PLB1: variants seen among roughly 807,000 people sequenced by gnomAD.
PLB1 encodes the protein phospholipase B1.
In PLB1, 242 loss-of-function variants were observed where a neutral mutation model predicts 227.4. That is an observed-to-expected ratio of 1.06 (90% CI 0.96 to 1.18). The LOEUF (loss-of-function observed/expected upper bound fraction) is 1.18. Ranked by LOEUF, PLB1 falls within the 50% of genes most tolerant of loss-of-function variation. The pLI is 0.00. For missense variants in PLB1, 1,858 were observed against 1,816.3 expected (o/e 1.02, Z -0.42); for synonymous variants, 757 against 682.2 (o/e 1.11, Z -1.71).
intron 20 of PLB1, among the ~76,000 whole-genome samples, chr2:28,569,485 T>C (rs996094159): frequency 6.6e-6 from 1 of 152,068 alleles, no homozygotes; most frequent in Admixed American, 6.6e-5. Context: ...GACAAAACTT[T>C]AGACTGACAA....
intron 20 of PLB1, among the ~76,000 whole-genome samples, chr2:28,570,565 C>T (rs1167828599): frequency 4.6e-5 from 7 of 152,172 alleles, no homozygotes; most frequent in Non-Finnish European, 1.0e-4. Flanking sequence ...GTAGGTGGAT[C>T]GCTTGAAGTC....
chr2:28,526,234 G>C (rs1211459697), intron 6 of PLB1, among the ~76,000 whole-genome samples: 1 of 152,022 alleles, frequency 6.6e-6, no homozygotes, highest in Non-Finnish European at 1.5e-5. Flanking sequence ...AGCTGGAATG[G>C]GTGTCGGGGC....
In PLB1 at chr2:28,602,828, G is replaced by A; in HGVS notation, c.2681G>A (p.Arg894Lys). The A allele has an allele frequency of 6.2e-7, 1 of 1,614,078 alleles. No individual in the cohort carries two copies. The highest frequency in any genetic ancestry group is 1.1e-5 in the South Asian group (1 of 91,088). The stretch of plus-strand genomic sequence containing the variant: ...CTGCAGCTTTTCCCTTAGGTGCCCA[G>A]AGTCCTGGTCAACCTCGTGGACTTC... ...ALDVLHREVPRVLVNLVDFLN... is the reference protein window; with the variant it reads ...ALDVLHREVPKVLVNLVDFLN... Residue 894 changes from arginine to lysine, a missense_variant, in exon 39 of 58, where the codon AGA becomes AAA. Arg to Lys is a conservative substitution (Grantham distance 26). Transcript: ENST00000327757.
intron 29 of PLB1, among the ~76,000 whole-genome samples, chr2:28,590,842 A>G (rs1170980724): frequency 6.6e-6 from 1 of 151,902 alleles, no homozygotes; most frequent in African/African-American, 2.4e-5. Context: ...GGAAGAGGGG[A>G]GGGTGGAGAA....
At chr2:28,550,686 G>A (rs114512293) in intron 16 of PLB1, among the ~76,000 whole-genome samples, 3,067 of 151,604 alleles carry the variant, frequency 0.02, 50 homozygotes, top group Non-Finnish European at 0.032. Flanking sequence ...GATTATAGGC[G>A]CGCAACACCA....
intron 43 of PLB1, among the ~76,000 whole-genome samples, chr2:28,608,494 A>G (rs987215122): frequency 2.0e-5 from 3 of 152,214 alleles, no homozygotes; most frequent in Non-Finnish European, 4.4e-5. Context: ...TCCCATCCGC[A>G]GTCTAACTGC....
intron 4 of PLB1, among the ~76,000 whole-genome samples, chr2:28,522,798 C>T (rs1421072825): frequency 6.6e-6 from 1 of 152,162 alleles, no homozygotes; most frequent in Admixed American, 6.5e-5. Flanking sequence ...ACGGGTACCT[C>T]GAACTTCAGG....
chr2:28,630,572 TCC>T lies in PLB1; in HGVS notation c.3819-12_3819-11del, dbSNP rs1688473330. ...GCCCCAGGCAGCCTCAATACAACAC[TCC>T]CTGTCTCACAGGAACAACTGCACTT... is the stretch of plus-strand genomic sequence containing the variant. On this transcript the variant is annotated splice_polypyrimidine_tract_variant and intron_variant, in intron 53 of 57. Coordinates refer to ENST00000327757, the MANE Select transcript of PLB1 (RefSeq NM_153021.5). The T allele has an allele frequency of 6.2e-7, 1 of 1,611,846 alleles. No homozygotes were observed. Among genetic ancestry groups the T allele is most frequent in the African/African-American group, 1.3e-5 (1 of 74,768 alleles).
rs35262780 is a variant in PLB1, at chr2:28,541,185, T to TTAAATAAATAAATAAA, written c.775-514_775-499dup. Among the ~76,000 whole-genome samples the TTAAATAAATAAATAAA allele has an allele frequency of 5.6e-3, 843 of 150,104 alleles. 6 individuals are homozygous for TTAAATAAATAAATAAA. The highest frequency in any genetic ancestry group is 0.019 in the African/African-American group (796 of 40,830). ...AGACTCCGTCTCAAAAATAAATAAA[T>TTAAATAAATAAATAAA]TAAATAAATAAATAAATAAATAAGG... On this transcript the variant is annotated intron_variant, in intron 12 of 57. Transcript: ENST00000327757.
intron 1 of PLB1, among the ~76,000 whole-genome samples, chr2:28,505,451 A>C (rs1475832814): frequency 6.6e-5 from 10 of 152,214 alleles, no homozygotes; most frequent in Non-Finnish European, 2.9e-5. Flanking sequence ...ATTGTATCTA[A>C]TAAATTACCA....
intron 16 of PLB1, among the ~76,000 whole-genome samples, chr2:28,550,643 C>T (rs1396885751): frequency 1.3e-5 from 2 of 151,192 alleles, no homozygotes; most frequent in Non-Finnish European, 2.9e-5. Context: ...TGGGTTCAAG[C>T]GATTCTCCTG....
chr2:28,548,904 C>T lies in PLB1; in HGVS notation c.981C>T (p.His327=), dbSNP rs144322203. Residue 327 remains histidine (H), a synonymous_variant, in exon 15 of 58, where the codon CAC becomes CAT. Coordinates refer to ENST00000327757, the MANE Select transcript of PLB1 (RefSeq NM_153021.5). The part of the protein sequence containing the change: ...GEKDEPLSVK[H]GRPMKCPSQE... ...AAGATGAGCCATTGAGTGTAAAACA[C>T]GGGAGGCCAATGAAGTGTCCCTCTC... 7.1e-4 allele frequency: 1,154 copies of T among 1,614,038 alleles called. 4 individuals are homozygous for T. Among genetic ancestry groups the T allele is most frequent in the Middle Eastern group, 2.8e-3 (17 of 6,062 alleles).
At chr2:28,526,490 T>C (rs1670283725) in intron 6 of PLB1, among the ~76,000 whole-genome samples, 1 of 152,238 alleles carries the variant, frequency 6.6e-6, no homozygotes, top group African/African-American at 2.4e-5. Context: ...TTTTGGCCTT[T>C]TGATTTACAA....
intron 1 of PLB1, among the ~76,000 whole-genome samples, chr2:28,503,730 T>C (rs183543193): frequency 2.9e-4 from 44 of 152,300 alleles, no homozygotes; most frequent in African/African-American, 9.4e-4. Context: ...TCTGGACTTC[T>C]TTACATGGGG....
chr2:28,621,614 G>T (rs1687065693), intron 49 of PLB1, among the ~76,000 whole-genome samples: 1 of 152,188 alleles, frequency 6.6e-6, no homozygotes, highest in Admixed American at 6.5e-5. Flanking sequence ...GGAGCGTGCT[G>T]GGTGTATGCC....
intron 54 of PLB1, among the ~76,000 whole-genome samples, chr2:28,631,117 G>A (rs1244473897): frequency 6.7e-6 from 1 of 149,596 alleles, no homozygotes; most frequent in African/African-American, 2.5e-5. Context: ...TGATGCCATT[G>A]TACTCTGCCT....
At position 28,573,229 on chromosome 2, in the gene PLB1, G is replaced by A. The variant is rs1678318244; in HGVS notation, c.1357G>A (p.Gly453Ser). Reference sequence around the variant, plus strand: ...CCGGGAATTCAACCCTTCCCTGAAGGGCTTCTCTGTTGGCACTGGGAAAGA... The same window carrying A: ...CCGGGAATTCAACCCTTCCCTGAAGAGCTTCTCTGTTGGCACTGGGAAAGA... ...ILREFNPSLKGFSVGTGKETS... is the reference protein window; with the variant it reads ...ILREFNPSLKSFSVGTGKETS... The change falls in exon 21 of 58, where the codon GGC becomes AGC. Residue 453 changes from glycine to serine, a missense_variant. Gly to Ser is a moderately conservative substitution (Grantham distance 56). Transcript: ENST00000327757. 3 of 1,613,944 alleles carry A rather than the reference G, an allele frequency of 1.9e-6. No homozygotes were observed. The African/African-American group carries it at 4.0e-5, about 22-fold the overall frequency.
chr2:28,627,728 G>A (rs1209421951), intron 51 of PLB1, among the ~76,000 whole-genome samples: 1 of 152,128 alleles, frequency 6.6e-6, no homozygotes, highest in Non-Finnish European at 1.5e-5. Flanking sequence ...ATCTCACCTG[G>A]CCTCAGCTCT....
intron 25 of PLB1, among the ~76,000 whole-genome samples, chr2:28,584,248 A>G (rs547434464): frequency 1.3e-5 from 2 of 152,342 alleles, no homozygotes; most frequent in African/African-American, 4.8e-5. Context: ...CTTGGAAGTT[A>G]AGGGGTACCT....
Sources: gnomAD v4.1 joint callset for allele counts (sites outside exome capture counted in the v4.1 genomes callset) on GRCh38, gnomAD v4.1.1 for gene constraint, MANE v1.5 for transcripts, NCBI Gene and HGNC (gene_info 2026-07-23, HGNC 2026-07-21) for gene names.